ZMYM4: variants seen among roughly 807,000 people sequenced by gnomAD.
ZMYM4 encodes the protein zinc finger MYM-type containing 4.
In ZMYM4, 31 loss-of-function variants were observed where a neutral mutation model predicts 183.2. That is an observed-to-expected ratio of 0.17 (90% CI 0.13 to 0.23). ZMYM4 has a LOEUF of 0.23. ZMYM4 is among the 10% of genes least tolerant of loss of function. The pLI is 1.00. For synonymous variants in ZMYM4, 592 were observed against 631.2 expected, an observed-to-expected ratio of 0.94 and a Z score of 0.93; for missense variants, 1,273 against 1,840.3, an observed-to-expected ratio of 0.69 and a Z score of 5.64.
chr1:35,274,375 C>A (rs1639763076), intron 1 of ZMYM4, among the ~76,000 whole-genome samples: 1 of 151,836 alleles, frequency 6.6e-6, no homozygotes, highest in Non-Finnish European at 1.5e-5. Context: ...GAGGCCGAGG[C>A]AGGAGGATGG....
chr1:35,338,814 T>G (rs1051819496), intron 2 of ZMYM4, among the ~76,000 whole-genome samples: 1 of 152,262 alleles, frequency 6.6e-6, no homozygotes, highest in African/African-American at 2.4e-5. Context: ...ATTAGTTTTT[T>G]TCTTATTGAA....
chr1:35,407,206 G>A (rs976578841), intron 25 of ZMYM4, among the ~76,000 whole-genome samples: 3 of 152,078 alleles, frequency 2.0e-5, no homozygotes, highest in African/African-American at 7.2e-5. Flanking sequence ...GGCCGAGGCG[G>A]GCGGATCACC....
intron 28 of ZMYM4, among the ~76,000 whole-genome samples, chr1:35,417,292 C>T (rs900966694): frequency 4.6e-5 from 7 of 150,924 alleles, no homozygotes; most frequent in Admixed American, 2.6e-4. Context: ...ATCTAGTGTT[C>T]TCTTGAGGAG....
intron 20 of ZMYM4, 53 bp from the exon 21 acceptor site, chr1:35,398,360 A>T: frequency 6.7e-7 from 1 of 1,490,354 alleles, no homozygotes; most frequent in East Asian, 2.3e-5. Context: ...TTCATTTGAG[A>T]TATAATTTGT....
intron 22 of ZMYM4, 151 bp downstream of exon 22, chr1:35,399,194 C>A: frequency 1.1e-6 from 1 of 921,398 alleles, no homozygotes; most frequent in Non-Finnish European, 1.6e-6. Flanking sequence ...TAGACCCTGG[C>A]TTTGTAGGTG....
intron 28 of ZMYM4, among the ~76,000 whole-genome samples, chr1:35,417,032 A>T (rs1250638162): frequency 6.6e-6 from 1 of 152,160 alleles, no homozygotes; most frequent in African/African-American, 2.4e-5. Context: ...GAGTTTTGTT[A>T]AAGTAATAAT....
intron 1 of ZMYM4, among the ~76,000 whole-genome samples, chr1:35,275,739 T>C (rs537071665): frequency 2.6e-5 from 4 of 152,180 alleles, no homozygotes; most frequent in Non-Finnish European, 5.9e-5. Context: ...TGTATAAATG[T>C]ACTGTATTCA....
rs374281470 is a variant in ZMYM4, at chr1:35,352,386, G to GCACACACA, written c.86-6508_86-6501dup. On this transcript the variant is annotated intron_variant, in intron 2 of 29. Coordinates refer to ENST00000314607, the MANE Select transcript of ZMYM4 (RefSeq NM_005095.3). ...CTCTACTAATAATTTAAAAATTAGC[G>GCACACACA]CACACACACACACACACACACACAC... 7.4e-3 allele frequency among the ~76,000 whole-genome samples: 950 copies of GCACACACA among 128,460 alleles called. 14 individuals carry two copies. The highest frequency in any genetic ancestry group is 0.024 in the African/African-American group (819 of 33,748). 84.3% of individuals were successfully genotyped at this position (128,460 alleles called of 152,430 possible).
intron 23 of ZMYM4, chr1:35,399,998 C>G (rs1456945144): frequency 6.2e-6 from 1 of 162,376 alleles, no homozygotes; most frequent in Non-Finnish European, 1.3e-5. Context: ...ACAAAATTAG[C>G]CAGGTGTGGT....
rs371874714 is a variant in ZMYM4 at position 35,398,218 on chromosome 1, C to G, written c.3200-195C>G. On this transcript the variant is annotated intron_variant, in intron 20 of 29. Transcript: ENST00000314607. ...AAGCACATGATACTAACCAGAATCC[C>G]CATTAACAGTGGTAATCTGTTTAAC... 3.5e-4 allele frequency among the ~76,000 whole-genome samples: 54 copies of G among 152,240 alleles called. No individual in the cohort carries two copies. The South Asian group carries it at 9.8e-3, about 28-fold the overall frequency.
Position 35,370,801 on chromosome 1 carries a change from T to C in ZMYM4, c.1181+174T>C. On this transcript the variant is annotated intron_variant, in intron 7 of 29. Transcript: ENST00000314607. ...GCTTTCAGTTGTTGCTTTTCAGTCT[T>C]CCAGGTGCTAGGTGCTCAGCTTGTT... is the stretch of plus-strand genomic sequence containing the variant. 3 of 799,344 alleles carry C rather than the reference T, an allele frequency of 3.8e-6. No homozygotes were observed. The East Asian group carries it at 9.6e-5, about 26-fold the overall frequency. The allele number at this position is 799,344 out of a possible 1,614,324, so 49.5% of individuals were successfully genotyped here.
At chr1:35,365,239 C>CTTTTTT (rs746304675) in intron 5 of ZMYM4, among the ~76,000 whole-genome samples, 31 of 85,272 alleles carry the variant, frequency 3.6e-4, no homozygotes, top group African/African-American at 4.7e-4. Context: ...TAATCAAAGT[C>CTTTTTT]TTTTTTTTTT....
intron 5 of ZMYM4, among the ~76,000 whole-genome samples, chr1:35,364,747 C>G (rs1175585007): frequency 6.6e-6 from 1 of 152,118 alleles, no homozygotes; most frequent in Non-Finnish European, 1.5e-5. Context: ...TTCAAAACTT[C>G]CTTTGGCTTT....
chr1:35,284,771 T>G (rs1304999865), intron 1 of ZMYM4, among the ~76,000 whole-genome samples: 1 of 152,220 alleles, frequency 6.6e-6, no homozygotes, highest in Non-Finnish European at 1.5e-5. Context: ...TCTGTGCTCA[T>G]GTGATTTCTT....
At chr1:35,412,430 C>T (rs952808782) in intron 26 of ZMYM4, among the ~76,000 whole-genome samples, 6 of 152,046 alleles carry the variant, frequency 3.9e-5, no homozygotes, top group African/African-American at 1.2e-4. Flanking sequence ...CTAGGATTCG[C>T]GGTACAGTGT....
At chr1:35,280,646 T>G (rs1640110489) in intron 1 of ZMYM4, among the ~76,000 whole-genome samples, 1 of 152,212 alleles carries the variant, frequency 6.6e-6, no homozygotes, top group African/African-American at 2.4e-5. Context: ...GGAAGAATTC[T>G]TCCTCCTCTC....
At chr1:35,318,543 C>T (rs1464713198) in intron 1 of ZMYM4, among the ~76,000 whole-genome samples, 4 of 152,146 alleles carry the variant, frequency 2.6e-5, no homozygotes, top group South Asian at 4.2e-4. Flanking sequence ...CTGCAACCTC[C>T]GTCTCCCAGG....
At position 35,302,124 on chromosome 1, in the gene ZMYM4, A is replaced by G. The variant is rs921538716; in HGVS notation, c.40-23236A>G. On this transcript the variant is annotated intron_variant, in intron 1 of 29. Transcript: ENST00000314607. ...AGCGCAGTCTCTAGAACAAGGGTCAACAAGCTGTAGCTCACAGGCCAAATT... is the reference window on the plus strand; with the variant it reads ...AGCGCAGTCTCTAGAACAAGGGTCAGCAAGCTGTAGCTCACAGGCCAAATT... Among the ~76,000 whole-genome samples the G allele has an allele frequency of 8.6e-5, 13 of 151,920 alleles. 2 individuals carry two copies. Among genetic ancestry groups the G allele is most frequent in the African/African-American group, 2.7e-4 (11 of 41,382 alleles).
intron 2 of ZMYM4, among the ~76,000 whole-genome samples, chr1:35,350,402 C>T (rs752256687): frequency 2.0e-5 from 3 of 152,046 alleles, no homozygotes; most frequent in Non-Finnish European, 4.4e-5. Flanking sequence ...GATTCTCCTA[C>T]CTCAGCCTCC....
Sources: gnomAD v4.1 joint callset for allele counts (sites outside exome capture counted in the v4.1 genomes callset) on GRCh38, gnomAD v4.1.1 for gene constraint, MANE v1.5 for transcripts, NCBI Gene and HGNC (gene_info 2026-07-23, HGNC 2026-07-21) for gene names.